Variants in PCDH15 observed in about 807,000 individuals in gnomAD.
The protein encoded by PCDH15 is protocadherin related 15.
PCDH15 carries 129 observed loss-of-function variants against 178.5 expected under a neutral mutation model. The ratio of observed to expected loss-of-function variants is 0.72; its 90% CI spans 0.63 to 0.84. The LOEUF is 0.84. Ranked by LOEUF, PCDH15 falls within the 40% of genes least tolerant of loss-of-function variation. The pLI is 0.00. For synonymous variants in PCDH15, 800 were observed against 732.0 expected (o/e 1.09, Z -1.50); for missense variants, 2,230 against 2,099.9 (o/e 1.06, Z -1.21).
chr10:54,545,183 A>G (rs549500340), intron 2 of PCDH15, among the ~76,000 whole-genome samples: 4 of 152,338 alleles, frequency 2.6e-5, no homozygotes, highest in Admixed American at 2.6e-4. Context: ...TACAGTAGAT[A>G]TAAGAATTCA....
At chr10:55,174,620 G>A (rs919439552) in intron 1 of PCDH15, among the ~76,000 whole-genome samples, 9 of 152,140 alleles carry the variant, frequency 5.9e-5, no homozygotes, top group African/African-American at 1.4e-4. Flanking sequence ...GTCATCTCAG[G>A]AGAGGCTGCA....
At chr10:55,376,729 T>C (rs1837402490) in intron 2 of PCDH15, among the ~76,000 whole-genome samples, 1 of 152,040 alleles carries the variant, frequency 6.6e-6, no homozygotes. Flanking sequence ...TCTTGGAGAG[T>C]CAATACACCT....
rs569327647 is a variant in PCDH15, at chr10:54,279,993, T to C, written c.876+37278A>G. On this transcript the variant is annotated intron_variant, in intron 8 of 37. Transcript: ENST00000644397. ...AAAGACATGTCCCATTAAAAGGATA[T>C]TAATGCAAGATCACCATTGTCATTA... Among the ~76,000 whole-genome samples, 75 of 151,852 alleles carry C rather than the reference T, an allele frequency of 4.9e-4. 1 individual carries two copies. The South Asian group carries it at 0.015, about 31-fold the overall frequency.
rs552426238 is a variant in PCDH15 at position 54,328,573 on chromosome 10, G to C, written c.705+1023C>G. On this transcript the variant is annotated intron_variant, in intron 7 of 37. Coordinates refer to ENST00000644397, the MANE Select transcript of PCDH15 (RefSeq NM_001384140.1). ...TCGTTCCTATTATGCTGACACAGGTGATACAAGTCTAGAAGGAGATGTTGG... is the reference window on the plus strand; with the variant it reads ...TCGTTCCTATTATGCTGACACAGGTCATACAAGTCTAGAAGGAGATGTTGG... Among the ~76,000 whole-genome samples, 7 of 152,144 alleles carry C rather than the reference G, an allele frequency of 4.6e-5. No homozygotes were observed. In the South Asian group the frequency reaches 1.4e-3, roughly 32 times the overall value.
At chr10:55,473,881 T>C (rs894690314) in intron 2 of PCDH15, among the ~76,000 whole-genome samples, 7 of 152,226 alleles carry the variant, frequency 4.6e-5, no homozygotes, top group African/African-American at 1.7e-4. Flanking sequence ...ATGCATTACC[T>C]TTCTTATTTT....
intron 26 of PCDH15, among the ~76,000 whole-genome samples, chr10:53,898,147 T>C (rs1589309532): frequency 3.0e-5 from 2 of 65,750 alleles, no homozygotes; most frequent in East Asian, 3.4e-3. Context: ...TTTGTATTTT[T>C]AGTAGAGACG....
At chr10:53,936,190 TA>T (rs2085558389) in intron 25 of PCDH15, among the ~76,000 whole-genome samples, 1 of 152,120 alleles carries the variant, frequency 6.6e-6, no homozygotes, top group Non-Finnish European at 1.5e-5. Flanking sequence ...GCCTACAGAT[TA>T]AAAGAGACTT....
intron 3 of PCDH15, among the ~76,000 whole-genome samples, chr10:54,849,670 CATATTATT>C (rs1309709552): frequency 6.6e-6 from 1 of 152,120 alleles, no homozygotes; most frequent in African/African-American, 2.4e-5. Context: ...CCCACCCAAT[CATATTATT>C]ATGTTGGTGC....
intron 6 of PCDH15, among the ~76,000 whole-genome samples, chr10:54,337,646 T>C (rs1461818864): frequency 6.6e-6 from 1 of 152,166 alleles, no homozygotes; most frequent in African/African-American, 2.4e-5. Flanking sequence ...CCCTATGCCA[T>C]CCCTACACTG....
intron 2 of PCDH15, among the ~76,000 whole-genome samples, chr10:55,165,724 G>C (rs1313922581): frequency 6.6e-6 from 1 of 151,876 alleles, no homozygotes; most frequent in Non-Finnish European, 1.5e-5. Context: ...AAGCAGTCAT[G>C]TGTTTATATA....
At chr10:53,843,315 C>T (rs1170573425) in intron 28 of PCDH15, among the ~76,000 whole-genome samples, 1 of 151,912 alleles carries the variant, frequency 6.6e-6, no homozygotes. Context: ...TCATAAAAAT[C>T]TATCTTTTCA....
intron 1 of PCDH15, among the ~76,000 whole-genome samples, chr10:55,210,619 T>C (rs2489225): frequency 2.2e-5 from 1 of 45,380 alleles, no homozygotes; most frequent in African/African-American, 6.8e-5. Context: ...TTTTCTTTTC[T>C]TTTTTTTTTT....
chr10:54,656,042 G>A (rs1244104741), intron 2 of PCDH15: 1 of 152,082 alleles, frequency 6.6e-6, no homozygotes, highest in African/African-American at 2.4e-5. Context: ...TCTGGATTTT[G>A]CCATCTAACG....
intron 2 of PCDH15, among the ~76,000 whole-genome samples, chr10:54,599,332 G>A (rs1390270054): frequency 6.6e-6 from 1 of 151,934 alleles, no homozygotes; most frequent in Non-Finnish European, 1.5e-5. Flanking sequence ...AAACAAAACA[G>A]AGAGTCAAGA....
chr10:54,373,502 A>G (rs1426250645), intron 4 of PCDH15, among the ~76,000 whole-genome samples: 1 of 152,010 alleles, frequency 6.6e-6, no homozygotes, highest in Non-Finnish European at 1.5e-5. Context: ...ATATTTACTG[A>G]AGATATTACC....
intron 2 of PCDH15, among the ~76,000 whole-genome samples, chr10:54,658,574 C>T (rs140392990): frequency 1.7e-3 from 260 of 152,186 alleles, no homozygotes; most frequent in Admixed American, 3.9e-3. Flanking sequence ...AAAAGTCATT[C>T]CCAGACAAGC....
intron 25 of PCDH15, among the ~76,000 whole-genome samples, chr10:53,931,291 G>A (rs1187974957): frequency 6.6e-6 from 1 of 152,196 alleles, no homozygotes; most frequent in Non-Finnish European, 1.5e-5. Context: ...GGAGTGGGCA[G>A]AACTGGAGCT....
Position 54,975,999 on chromosome 10 carries a change from A to G in PCDH15, c.-79-78499T>C, listed in dbSNP as rs371845510. ...TCTATGGTAATTCTGTTTACCCTGA[A>G]CCATTTCTTCCATCCTTAAGTGTAT... On this transcript the variant is annotated intron_variant, in intron 2 of 5. Coordinates refer to the PCDH15 transcript ENST00000458638. Among the ~76,000 whole-genome samples the G allele has an allele frequency of 5.9e-5, 9 of 152,182 alleles. No homozygotes were observed. In the East Asian group the frequency reaches 1.2e-3, roughly 20 times the overall value.
chr10:55,206,714 A>C lies in PCDH15; in HGVS notation c.-155-40063T>G, dbSNP rs149428367. On this transcript the variant is annotated intron_variant, in intron 1 of 5. Transcript: ENST00000458638. ...TTCAAGTTGGTAATATCTACATTTA[A>C]ATACTTATATCACATATTAAATAAT... Among the ~76,000 whole-genome samples the C allele has an allele frequency of 2.0e-5, 3 of 152,256 alleles. No homozygotes were observed. The East Asian group carries it at 5.8e-4, about 29-fold the overall frequency.
Sources: gnomAD v4.1 joint callset for allele counts (sites outside exome capture counted in the v4.1 genomes callset) on GRCh38, gnomAD v4.1.1 for gene constraint, MANE v1.5 for transcripts, NCBI Gene and HGNC (gene_info 2026-07-23, HGNC 2026-07-21) for gene names.